Variants in XIRP2 observed in about 807,000 individuals in gnomAD.
XIRP2 encodes xin actin-binding repeat-containing protein 2.
XIRP2 carries 236 observed loss-of-function variants against 277.0 expected under a neutral mutation model. The ratio of observed to expected loss-of-function variants is 0.85; its 90% CI spans 0.77 to 0.95. XIRP2 has a LOEUF of 0.95. Among genes scored for constraint, XIRP2 ranks in the 40% least tolerant of loss-of-function variants. The pLI, the probability that XIRP2 is intolerant of heterozygous loss-of-function variation, is 0.00. For synonymous variants in XIRP2, 1,490 were observed against 1,416.5 expected (o/e 1.05, Z -1.17); for missense variants, 4,640 against 4,157.5 (o/e 1.12, Z -3.19).
At chr2:167,225,039 A>G (rs904729895) in intron 5 of XIRP2, among the ~76,000 whole-genome samples, 5 of 152,192 alleles carry the variant, frequency 3.3e-5, no homozygotes, top group East Asian at 1.9e-4. Flanking sequence ...TTTAACCCCA[A>G]CTATAATAAA....
chr2:167,003,100 G>C (rs1423768376), intron 2 of XIRP2, among the ~76,000 whole-genome samples: 7 of 151,816 alleles, frequency 4.6e-5, no homozygotes, highest in Admixed American at 4.6e-4. Context: ...ATTACAGAGA[G>C]AAGGAAGTAG....
intron 2 of XIRP2, among the ~76,000 whole-genome samples, chr2:167,108,494 C>T (rs1021432926): frequency 9.9e-5 from 15 of 151,802 alleles, no homozygotes; most frequent in African/African-American, 3.4e-4. Context: ...ATCTTGAGAC[C>T]GCTTTAGCTG....
At chr2:167,239,733 G>A in intron 5 of XIRP2, 122 bp from the exon 6 acceptor site, 1 of 818,514 alleles carries the variant, frequency 1.2e-6, no homozygotes, top group South Asian at 1.7e-5. Flanking sequence ...TAGCAGCCAA[G>A]AAAACTAATA....
rs193027509 is a variant in XIRP2, at chr2:167,033,829, G to T, written c.409-102080G>T. On this transcript the variant is annotated intron_variant, in intron 2 of 10. Transcript: ENST00000409195. ...AATAGATTTTCTCAGACAAACAAAA[G>T]CTGAGGTATTTCATCAATACTAGAC... Among the ~76,000 whole-genome samples, 489 of 152,142 alleles carry T rather than the reference G, an allele frequency of 3.2e-3. 4 individuals are homozygous for T. Among genetic ancestry groups the T allele is most frequent in the African/African-American group, 0.011 (462 of 41,530 alleles).
At chr2:167,067,523 G>A (rs1689327836) in intron 2 of XIRP2, among the ~76,000 whole-genome samples, 1 of 152,106 alleles carries the variant, frequency 6.6e-6, no homozygotes, top group Admixed American at 6.6e-5. Flanking sequence ...AATGTTGCAA[G>A]TCACATAATT....
intron 2 of XIRP2, among the ~76,000 whole-genome samples, chr2:167,044,038 C>A (rs982824587): frequency 3.9e-5 from 6 of 151,972 alleles, no homozygotes; most frequent in African/African-American, 1.4e-4. Flanking sequence ...AAAGTACTAG[C>A]AAATTAAATT....
intron 2 of XIRP2, among the ~76,000 whole-genome samples, chr2:166,945,518 C>T (rs529783215): frequency 1.6e-4 from 25 of 151,938 alleles, no homozygotes; most frequent in Admixed American, 2.6e-4. Flanking sequence ...ATAAAAGTAA[C>T]GTATCGGAAA....
At chr2:166,931,056 A>G (rs747257411) in intron 2 of XIRP2, among the ~76,000 whole-genome samples, 4 of 152,196 alleles carry the variant, frequency 2.6e-5, no homozygotes, top group African/African-American at 9.6e-5. Context: ...ATTGCAGGAC[A>G]TGTCATGAGC....
intron 2 of XIRP2, among the ~76,000 whole-genome samples, chr2:167,030,757 A>T (rs1237215250): frequency 6.6e-6 from 1 of 150,544 alleles, no homozygotes; most frequent in Non-Finnish European, 1.5e-5. Flanking sequence ...TCAAGTCCTG[A>T]ATACGGTGAT....
rs1464466757 is a variant in XIRP2, at chr2:166,911,336, C to G, written c.408+7446C>G. ...TATATATTTAGAGTAGTTAGCTCTT[C>G]TCGTTGAATTGATCCCTTTACCATT... On this transcript the variant is annotated intron_variant, in intron 2 of 10. Coordinates refer to ENST00000409195, the MANE Select transcript of XIRP2 (RefSeq NM_152381.6). 3.3e-5 allele frequency among the ~76,000 whole-genome samples: 5 copies of G among 152,170 alleles called. No individual in the cohort carries two copies. In the East Asian group the frequency reaches 7.7e-4, roughly 23 times the overall value.
chr2:166,982,755 TC>T (rs1293479290), intron 2 of XIRP2, among the ~76,000 whole-genome samples: 2 of 152,216 alleles, frequency 1.3e-5, no homozygotes, highest in Non-Finnish European at 2.9e-5. Flanking sequence ...TTCTTTTTGT[TC>T]CTGTACATAA....
intron 3 of XIRP2, among the ~76,000 whole-genome samples, chr2:167,160,716 G>A (rs999902037): frequency 1.3e-5 from 2 of 152,074 alleles, no homozygotes; most frequent in Non-Finnish European, 2.9e-5. Flanking sequence ...GATTTGGTTG[G>A]GGACACAGAC....
At position 167,242,583 on chromosome 2, in the gene XIRP2, T is replaced by C. The variant is rs769610999; in HGVS notation, c.1191T>C (p.Tyr397=). ...CTCCCCTAAAGACTGAAAGTGAATA[T>C]GAAGAGACTTTCAAGCCATCATCAG... is the stretch of plus-strand genomic sequence containing the variant. ...PAKQIKTESE[Y]EETFKPSSVV... The change falls in exon 9 of 11, where the codon TAT becomes TAC. Residue 397 remains tyrosine, a synonymous_variant. Transcript: ENST00000409195. The C allele has an allele frequency of 6.2e-7, 1 of 1,611,830 alleles. No individual in the cohort carries two copies. The highest frequency in any genetic ancestry group is 1.1e-5 in the South Asian group (1 of 90,756).
chr2:167,045,774 G>T (rs1688771988), intron 2 of XIRP2, among the ~76,000 whole-genome samples: 1 of 152,016 alleles, frequency 6.6e-6, no homozygotes, highest in Non-Finnish European at 1.5e-5. Flanking sequence ...TACACTGCTG[G>T]TAGGAAGGTA....
chr2:167,255,256 A>G (rs760507576), intron 10 of XIRP2, among the ~76,000 whole-genome samples: 2 of 151,896 alleles, frequency 1.3e-5, no homozygotes, highest in Non-Finnish European at 2.9e-5. Flanking sequence ...CTCTCTGTGC[A>G]TCAGATGCTT....
At chr2:167,016,756 A>C (rs186295837) in intron 2 of XIRP2, among the ~76,000 whole-genome samples, 1 of 152,068 alleles carries the variant, frequency 6.6e-6, no homozygotes, top group East Asian at 1.9e-4. Context: ...GGAAGGAAAG[A>C]GGTAAGGAAG....
At chr2:167,183,270 A>G (rs1439598071) in intron 3 of XIRP2, among the ~76,000 whole-genome samples, 5 of 152,218 alleles carry the variant, frequency 3.3e-5, no homozygotes, top group Non-Finnish European at 7.3e-5. Flanking sequence ...AGCTGTAGTA[A>G]TGGGGTGGCA....
chr2:167,259,656 G>T lies in XIRP2; in HGVS notation c.*1839G>T. ...TTCTGTTTTCCTGTAAAACATCATG[G>T]GTGTGATTTTTATACTGCTGCTGCT... On this transcript the variant is annotated 3_prime_UTR_variant, in exon 11 of 11. Coordinates refer to ENST00000409195, the MANE Select transcript of XIRP2 (RefSeq NM_152381.6). 1 of 276,620 alleles carries T rather than the reference G, an allele frequency of 3.6e-6. No individual in the cohort carries two copies. Among genetic ancestry groups the T allele is most frequent in the Non-Finnish European group, 7.2e-6 (1 of 139,568 alleles). The allele number at this position is 276,620 out of a possible 1,614,324, so 17.1% of individuals were successfully genotyped here.
intron 2 of XIRP2, among the ~76,000 whole-genome samples, chr2:167,022,423 T>G (rs1258265964): frequency 6.6e-6 from 1 of 152,152 alleles, no homozygotes; most frequent in Non-Finnish European, 1.5e-5. Flanking sequence ...ACATATCAAT[T>G]GCATAATGTT....
Sources: gnomAD v4.1 joint callset for allele counts (sites outside exome capture counted in the v4.1 genomes callset) on GRCh38, gnomAD v4.1.1 for gene constraint, MANE v1.5 for transcripts, NCBI Gene and HGNC (gene_info 2026-07-23, HGNC 2026-07-21) for gene names.